Variants in ZDHHC15 observed in about 807,000 individuals in gnomAD.
ZDHHC15 encodes palmitoyltransferase ZDHHC15.
In ZDHHC15, 19 loss-of-function variants were observed where a neutral mutation model predicts 31.7. The ratio of observed to expected loss-of-function variants is 0.60; its 90% CI spans 0.42 to 0.88. The LOEUF (loss-of-function observed/expected upper bound fraction) is 0.88, where lower values mean the gene tolerates loss of function less well. ZDHHC15 is among the 40% of genes least tolerant of loss of function. The pLI is 0.00. For missense variants in ZDHHC15, 209 were observed against 251.2 expected (o/e 0.83, Z 1.14); for synonymous variants, 103 against 90.0 (o/e 1.14, Z -0.82).
intron 3 of ZDHHC15, among the ~76,000 whole-genome samples, chrX:75,468,234 G>A (rs1332289320): frequency 1.8e-5 from 2 of 109,980 alleles, no homozygotes; most frequent in Non-Finnish European, 3.8e-5. Context: ...TAGTAGAAAC[G>A]GGGTTTCTCC....
chrX:75,484,956 C>T (rs1299297019), intron 2 of ZDHHC15, among the ~76,000 whole-genome samples: 1 of 111,614 alleles, frequency 9.0e-6, no homozygotes, highest in African/African-American at 3.3e-5. Context: ...TGAAGAAAGC[C>T]TAATACAAAA....
chrX:75,499,822 A>C (rs1471624606), intron 2 of ZDHHC15, among the ~76,000 whole-genome samples: 1 of 111,655 alleles, frequency 9.0e-6, no homozygotes, highest in Non-Finnish European at 1.9e-5. Context: ...TTATAAGAAA[A>C]ATACACTTGC....
At chrX:75,398,545 T>C (rs2083321783) in intron 10 of ZDHHC15, among the ~76,000 whole-genome samples, 1 of 112,670 alleles carries the variant, frequency 8.9e-6, no homozygotes, top group African/African-American at 3.2e-5. Flanking sequence ...GTGTCTGAGG[T>C]GACCAGGGTC....
intron 10 of ZDHHC15, among the ~76,000 whole-genome samples, chrX:75,391,311 G>A (rs2083240096): frequency 8.9e-6 from 1 of 111,826 alleles, no homozygotes; most frequent in Non-Finnish European, 1.9e-5. Context: ...TTTATTCAAA[G>A]GAATAATGAC....
chrX:75,419,095 T>A (rs765369065), intron 9 of ZDHHC15, among the ~76,000 whole-genome samples: 1 of 110,795 alleles, frequency 9.0e-6, no homozygotes, highest in Non-Finnish European at 1.9e-5. Context: ...TACAAATAAC[T>A]TAAACATATT....
chrX:75,443,192 A>T (rs1288573542), intron 4 of ZDHHC15, among the ~76,000 whole-genome samples: 3 of 110,085 alleles, frequency 2.7e-5, no homozygotes, highest in Non-Finnish European at 5.7e-5. Flanking sequence ...TGGAGGCATC[A>T]TGCTACCTGA....
intron 3 of ZDHHC15, among the ~76,000 whole-genome samples, chrX:75,466,642 C>G (rs752287708): frequency 9.0e-6 from 1 of 111,021 alleles, no homozygotes; most frequent in East Asian, 2.8e-4. Context: ...TGAAATCAAC[C>G]TAAATGTCCA....
At chrX:75,520,495 G>A (rs1444972006) in intron 1 of ZDHHC15, among the ~76,000 whole-genome samples, 1 of 111,544 alleles carries the variant, frequency 9.0e-6, no homozygotes, top group Non-Finnish European at 1.9e-5. Context: ...ATACATAAGT[G>A]TTAGTCATTA....
At chrX:75,444,941 C>G (rs1344688788) in intron 4 of ZDHHC15, among the ~76,000 whole-genome samples, 1 of 107,965 alleles carries the variant, frequency 9.3e-6, no homozygotes, top group Non-Finnish European at 1.9e-5. Context: ...GGAACTTACA[C>G]TATTGGCTCT....
intron 2 of ZDHHC15, among the ~76,000 whole-genome samples, chrX:75,488,089 A>G (rs1286690574): frequency 8.9e-6 from 1 of 112,415 alleles, no homozygotes; most frequent in African/African-American, 3.2e-5. Context: ...AAAAGTTCGG[A>G]CAACTTATTT....
chrX:75,513,185 C>T (rs1039282458), intron 1 of ZDHHC15, among the ~76,000 whole-genome samples: 1 of 111,521 alleles, frequency 9.0e-6, no homozygotes, highest in African/African-American at 3.3e-5. Flanking sequence ...CATAAAAACC[C>T]TAGAAGAAAA....
At chrX:75,495,933 A>T (rs961505283) in intron 2 of ZDHHC15, among the ~76,000 whole-genome samples, 5 of 100,443 alleles carry the variant, frequency 5.0e-5, no homozygotes, top group Admixed American at 1.1e-4. Context: ...AAGCATAATT[A>T]AAAAAAAAAA....
intron 10 of ZDHHC15, among the ~76,000 whole-genome samples, chrX:75,416,337 C>A (rs2083547957): frequency 8.9e-6 from 1 of 111,957 alleles, no homozygotes; most frequent in Non-Finnish European, 1.9e-5. Context: ...ATAGCTACTA[C>A]AAGTTCCTAC....
intron 1 of ZDHHC15, among the ~76,000 whole-genome samples, chrX:75,516,453 T>C (rs1340524432): frequency 8.9e-6 from 1 of 112,403 alleles, no homozygotes; most frequent in Non-Finnish European, 1.9e-5. Flanking sequence ...CCATCTGCTC[T>C]TTGTCAAACC....
intron 4 of ZDHHC15, among the ~76,000 whole-genome samples, chrX:75,432,026 A>T (rs2083786127): frequency 8.9e-6 from 1 of 112,022 alleles, no homozygotes; most frequent in African/African-American, 3.2e-5. Flanking sequence ...TTCACAGATA[A>T]AGGAAATAAA....
intron 9 of ZDHHC15, among the ~76,000 whole-genome samples, chrX:75,421,399 T>A (rs866978528): frequency 2.4e-4 from 3 of 12,731 alleles, no homozygotes; most frequent in African/African-American, 5.0e-4. Context: ...TATATATATA[T>A]TATATATATA....
chrX:75,517,613 G>A (rs2085378884), intron 1 of ZDHHC15, among the ~76,000 whole-genome samples: 1 of 104,728 alleles, frequency 9.5e-6, no homozygotes, highest in African/African-American at 3.5e-5. Flanking sequence ...GGGAGGGATA[G>A]CATTAGGAGA....
chrX:75,441,905 G>A (rs776485397), intron 4 of ZDHHC15, among the ~76,000 whole-genome samples: 23 of 111,172 alleles, frequency 2.1e-4, no homozygotes, highest in African/African-American at 7.2e-4. Context: ...TTACAGGCAT[G>A]AGCCACCACA....
chrX:75,480,384 G>C (rs1054088520), intron 2 of ZDHHC15, among the ~76,000 whole-genome samples: 1 of 111,339 alleles, frequency 9.0e-6, no homozygotes, highest in Non-Finnish European at 1.9e-5. Context: ...ATTTGTATAT[G>C]TTTATACAAA....
Sources: allele counts gnomAD v4.1 joint callset (sites outside exome capture counted in the v4.1 genomes callset), GRCh38; gene constraint gnomAD v4.1.1; transcripts MANE v1.5; gene names NCBI Gene and HGNC (gene_info 2026-07-23, HGNC 2026-07-21).